Variants in DPYSL2 observed in about 807,000 individuals in gnomAD.
The protein encoded by DPYSL2 is dihydropyrimidinase-related protein 2.
DPYSL2 carries 13 observed loss-of-function variants against 69.9 expected under a neutral mutation model. The observed-to-expected ratio is 0.19, with a 90% CI of 0.12 to 0.30. The LOEUF (loss-of-function observed/expected upper bound fraction) is 0.30, where lower values mean the gene tolerates loss of function less well. Among genes scored for constraint, DPYSL2 ranks in the 10% least tolerant of loss-of-function variants. DPYSL2 has a pLI of 1.00. For missense variants in DPYSL2, 587 were observed against 918.9 expected (o/e 0.64, Z 4.67); for synonymous variants, 326 against 359.1 (o/e 0.91, Z 1.04).
chr8:26,629,297 G>A (rs1802685863), intron 7 of DPYSL2, among the ~76,000 whole-genome samples: 2 of 151,636 alleles, frequency 1.3e-5, no homozygotes, highest in African/African-American at 2.4e-5. Flanking sequence ...GCTAGACACA[G>A]CCATAGACAC....
In DPYSL2 at chr8:26,560,644, C is replaced by G. The variant is rs1801056504; in HGVS notation, c.355-21325C>G. On this transcript the variant is annotated intron_variant, in intron 1 of 13. Transcript: ENST00000521913. The surrounding 1 kb of genome is among the most constrained non-coding windows in gnomAD (Gnocchi z 4.4). ...AATATCTCACTTGAACCAGGTTCAT[C>G]TCTATGCTTTAATAGAAGCATTAAA... Among the ~76,000 whole-genome samples the G allele has an allele frequency of 6.6e-6, 1 of 152,140 alleles. No homozygotes were observed. Among genetic ancestry groups the G allele is most frequent in the South Asian group, 2.1e-4 (1 of 4,832 alleles).
At chr8:26,568,352 A>C (rs1801184810) in intron 1 of DPYSL2, among the ~76,000 whole-genome samples, 1 of 152,150 alleles carries the variant, frequency 6.6e-6, no homozygotes, top group Non-Finnish European at 1.5e-5. Flanking sequence ...ACAGCGTTGT[A>C]CTACAAGAGG....
rs74972796 is a variant in DPYSL2, at chr8:26,619,660, G to A, written c.629-4483G>A. The stretch of plus-strand genomic sequence containing the variant: ...TGCTTAGTAGAAATGCAGATTACTG[G>A]GTCCCAGTCTGGACCTGCAGCGTCA... On this transcript the variant is annotated intron_variant, in intron 3 of 13. Coordinates refer to ENST00000521913, the MANE Select transcript of DPYSL2 (RefSeq NM_001197293.3). The surrounding 1 kb of genome is among the most constrained non-coding windows in gnomAD (Gnocchi z 4.8). 10,109 of 152,238 alleles carry A rather than the reference G, an allele frequency of 0.066. 390 individuals carry two copies. Among genetic ancestry groups the A allele is most frequent in the African/African-American group, 0.091 (3,796 of 41,512 alleles). 9.4% of individuals were successfully genotyped at this position (152,238 alleles called of 1,614,324 possible).
Position 26,593,159 on chromosome 8 carries a change from A to G in DPYSL2, c.628+9176A>G, listed in dbSNP as rs111375868. ...CTAAGTGTTCCCCCTAATGACAGAG[A>G]GGATGTTGCTGGGGGTTGGGTCGCG... is the stretch of plus-strand genomic sequence containing the variant. On this transcript the variant is annotated intron_variant, in intron 3 of 13. Transcript: ENST00000521913. The surrounding 1 kb of genome is among the most constrained non-coding windows in gnomAD (Gnocchi z 5.7). Among the ~76,000 whole-genome samples, 16 of 152,134 alleles carry G rather than the reference A, an allele frequency of 1.1e-4. No homozygotes were observed. Among genetic ancestry groups the G allele is most frequent in the African/African-American group, 3.9e-4 (16 of 41,492 alleles).
intron 3 of DPYSL2, among the ~76,000 whole-genome samples, chr8:26,590,092 G>A (rs1392249192): frequency 6.6e-6 from 1 of 152,216 alleles, no homozygotes; most frequent in African/African-American, 2.4e-5. Flanking sequence ...TGCACACACT[G>A]TAATATGGAT....
At position 26,565,620 on chromosome 8, in the gene DPYSL2, G is replaced by C. The variant is rs777684233; in HGVS notation, c.355-16349G>C. Among the ~76,000 whole-genome samples, 1 of 152,142 alleles carries C rather than the reference G, an allele frequency of 6.6e-6. No individual in the cohort carries two copies. Among genetic ancestry groups the C allele is most frequent in the African/African-American group, 2.4e-5 (1 of 41,414 alleles). The stretch of plus-strand genomic sequence containing the variant: ...TCACACAAATTTTAAATTCAAACAG[G>C]ATTAAGTTAGGAGTTGTGGTAGAAA... On this transcript the variant is annotated intron_variant, in intron 1 of 13. Coordinates refer to ENST00000521913, the MANE Select transcript of DPYSL2 (RefSeq NM_001197293.3). This position sits in a 1 kb window ranked among gnomAD's most constrained non-coding sequence, Gnocchi z 4.1.
Position 26,641,755 on chromosome 8 carries a change from C to T in DPYSL2, c.1127-1684C>T, listed in dbSNP as rs1458966752. 6.6e-6 allele frequency among the ~76,000 whole-genome samples: 1 copy of T among 152,166 alleles called. No individual in the cohort carries two copies. Among genetic ancestry groups the T allele is most frequent in the Admixed American group, 6.5e-5 (1 of 15,270 alleles). On this transcript the variant is annotated intron_variant, in intron 8 of 13. Transcript: ENST00000521913. This position sits in a 1 kb window ranked among gnomAD's most constrained non-coding sequence, Gnocchi z 4.1. Reference sequence around the variant, plus strand: ...AGGTTTCCCTGGGTTTGGAGTCCTCCCTCCTGCTGGGGGTGGGGGCGTGGT... The same window carrying T: ...AGGTTTCCCTGGGTTTGGAGTCCTCTCTCCTGCTGGGGGTGGGGGCGTGGT...
Position 26,627,212 on chromosome 8 carries a change from C to T in DPYSL2, c.856-3C>T, listed in dbSNP as rs1464967570. 6.2e-7 allele frequency: 1 copy of T among 1,614,122 alleles called. No individual in the cohort carries two copies. On this transcript the variant is annotated splice_region_variant and splice_polypyrimidine_tract_variant and intron_variant, in intron 5 of 13. Transcript: ENST00000521913. This position sits in a 1 kb window ranked among gnomAD's most constrained non-coding sequence, Gnocchi z 6.9. Reference sequence around the variant, plus strand: ...TCTGATCCCACCCTTGTCTCTCTCTCAGATTTATGAAGTACTGAGTGTGAT... The same window carrying T: ...TCTGATCCCACCCTTGTCTCTCTCTTAGATTTATGAAGTACTGAGTGTGAT...
intron 3 of DPYSL2, among the ~76,000 whole-genome samples, chr8:26,615,142 A>G (rs1001673549): frequency 3.3e-5 from 5 of 152,074 alleles, no homozygotes; most frequent in Non-Finnish European, 5.9e-5. Context: ...TGAGCGGATT[A>G]CTTAATCTTA....
chr8:26,577,512 G>A (rs1026662346), intron 1 of DPYSL2: 1 of 148,824 alleles, frequency 6.7e-6, no homozygotes, highest in Non-Finnish European at 1.5e-5. Context: ...CTGCCGCGGC[G>A]GCCTCCGCGG....
intron 1 of DPYSL2, among the ~76,000 whole-genome samples, chr8:26,518,499 G>T (rs902510001): frequency 6.6e-6 from 1 of 152,086 alleles, no homozygotes; most frequent in Admixed American, 6.5e-5. Context: ...ATTTTTAAGT[G>T]CAGCTCAGTG....
In DPYSL2 at chr8:26,585,049, T is replaced by G. The variant is rs1801569951; in HGVS notation, c.628+1066T>G. ...CCACTGATTGTCCTTTTGAAAAATG[T>G]CATTTTGTTTTTGAGGAGGTGGGCA... On this transcript the variant is annotated intron_variant, in intron 3 of 13. Transcript: ENST00000521913. The surrounding 1 kb of genome is among the most constrained non-coding windows in gnomAD (Gnocchi z 4.0). 1.3e-5 allele frequency among the ~76,000 whole-genome samples: 2 copies of G among 152,154 alleles called. No homozygotes were observed. Among genetic ancestry groups the G allele is most frequent in the Admixed American group, 6.5e-5 (1 of 15,282 alleles).
rs1404993153 is a variant in DPYSL2, at chr8:26,556,285, AAT to A, written c.355-25676_355-25675del. On this transcript the variant is annotated intron_variant, in intron 1 of 13. Coordinates refer to ENST00000521913, the MANE Select transcript of DPYSL2 (RefSeq NM_001197293.3). ...ACTATAGTATATATAGTATTTATAT[AAT>A]ATATATAGTATATATATAGTATATA... Among the ~76,000 whole-genome samples, 7 of 3,100 alleles carry A rather than the reference AAT, an allele frequency of 2.3e-3. 2 individuals are homozygous for A. Among genetic ancestry groups the A allele is most frequent in the African/African-American group, 3.8e-3 (7 of 1,828 alleles). The allele number at this position is 3,100 out of a possible 152,430, so 2.0% of individuals were successfully genotyped here. A position where few individuals can be genotyped will look rare whatever the true frequency, so the allele number is the denominator to read the frequency against.
At chr8:26,601,708 T>G (rs1801997490) in intron 3 of DPYSL2, among the ~76,000 whole-genome samples, 1 of 152,246 alleles carries the variant, frequency 6.6e-6, no homozygotes, top group African/African-American at 2.4e-5. Context: ...GTGCTAATGT[T>G]GCAGGATTTA....
intron 1 of DPYSL2, among the ~76,000 whole-genome samples, chr8:26,522,894 T>C (rs17055395): frequency 0.013 from 1,996 of 152,282 alleles, 23 homozygotes; most frequent in Middle Eastern, 0.071. Context: ...TTTGGTATTA[T>C]ACTATCCCCG....
intron 1 of DPYSL2, among the ~76,000 whole-genome samples, chr8:26,526,223 T>C (rs183554325): frequency 6.6e-6 from 1 of 152,300 alleles, no homozygotes; most frequent in Non-Finnish European, 1.5e-5. Context: ...GCCTCCCAAA[T>C]AGCTGGGACT....
chr8:26,599,374 A>AT (rs913836784), intron 3 of DPYSL2, among the ~76,000 whole-genome samples: 4 of 151,896 alleles, frequency 2.6e-5, no homozygotes, highest in Non-Finnish European at 4.4e-5. Context: ...CTGAAATGTC[A>AT]TTTTTTCTGG....
At position 26,653,217 on chromosome 8, in the gene DPYSL2, T is replaced by C; in HGVS notation, c.1777-15T>C. ...TGGCTGTGGCCTGAGCTGGGGGGACTCTTGTGTTTTGCAGCTGGCTGAGCT... is the reference window on the plus strand; with the variant it reads ...TGGCTGTGGCCTGAGCTGGGGGGACCCTTGTGTTTTGCAGCTGGCTGAGCT... On this transcript the variant is annotated splice_polypyrimidine_tract_variant and intron_variant, in intron 12 of 13. Coordinates refer to ENST00000521913, the MANE Select transcript of DPYSL2 (RefSeq NM_001197293.3). This position sits in a 1 kb window ranked among gnomAD's most constrained non-coding sequence, Gnocchi z 5.7. 6.2e-7 allele frequency: 1 copy of C among 1,612,474 alleles called. No homozygotes were observed. The highest frequency in any genetic ancestry group is 8.5e-7 in the Non-Finnish European group (1 of 1,179,052).
chr8:26,595,100 G>T (rs1801829653), intron 3 of DPYSL2, among the ~76,000 whole-genome samples: 1 of 152,038 alleles, frequency 6.6e-6, no homozygotes, highest in South Asian at 2.1e-4. Flanking sequence ...ACACATACCT[G>T]TAGTCCTAGC....
Sources: allele counts gnomAD v4.1 joint callset (sites outside exome capture counted in the v4.1 genomes callset), GRCh38; gene constraint gnomAD v4.1.1; non-coding constraint Gnocchi (gnomAD v3.1); transcripts MANE v1.5; gene names NCBI Gene and HGNC (gene_info 2026-07-23, HGNC 2026-07-21).